Variants in NCAPD2 observed in about 807,000 individuals in gnomAD.
NCAPD2 encodes the protein condensin complex subunit 1.
Under a neutral mutation model 164.5 loss-of-function variants are expected in NCAPD2, and 100 were observed. That is an observed-to-expected ratio of 0.61 (90% CI 0.52 to 0.72). The LOEUF (loss-of-function observed/expected upper bound fraction) is 0.72, where lower values mean the gene tolerates loss of function less well. Among genes scored for constraint, NCAPD2 ranks in the 30% least tolerant of loss-of-function variants. The pLI, the probability that NCAPD2 is intolerant of heterozygous loss-of-function variation, is 0.00. For synonymous variants in NCAPD2, 585 were observed against 642.6 expected (o/e 0.91, Z 1.36); for missense variants, 1,560 against 1,749.2 (o/e 0.89, Z 1.93).
Position 6,522,974 on chromosome 12 carries a change from T to C in NCAPD2, c.2101T>C (p.Tyr701His). ...CGTGCTTAATGCCTACCGCCAACTC[T>C]ACCTCAACCCCAAAGGGGACTCTGC... ...EAVLNAYRQL[Y>H]LNPKGDSARA... is the part of the protein sequence containing the mutation. The change falls in exon 16 of 32, where the codon TAC becomes CAC. Residue 701 changes from tyrosine (Y) to histidine (H), a missense_variant. Coordinates refer to ENST00000315579, the MANE Select transcript of NCAPD2 (RefSeq NM_014865.4). 1 of 1,614,230 alleles carries C rather than the reference T, an allele frequency of 6.2e-7. No homozygotes were observed. Among genetic ancestry groups the C allele is most frequent in the Non-Finnish European group, 8.5e-7 (1 of 1,180,042 alleles).
At position 6,526,607 on chromosome 12, in the gene NCAPD2, AG is replaced by A. The variant is rs1398717412; in HGVS notation, c.2728del (p.Asp910ThrfsTer14). ...CTAGAAGAGAAGAGAACCAGTCAGG[AG>A]GACCCGAGTAAGTGGGCAGGGGTTG... ...EKLEEKRTSQ[E>X]DPKESPAMLP... On this transcript the variant is annotated frameshift_variant, in exon 21 of 32. Coordinates refer to ENST00000315579, the MANE Select transcript of NCAPD2 (RefSeq NM_014865.4). LOFTEE classifies it high-confidence loss of function. 2 of 1,613,490 alleles carry A rather than the reference AG, an allele frequency of 1.2e-6. No individual in the cohort carries two copies. Among genetic ancestry groups the A allele is most frequent in the South Asian group, 2.2e-5 (2 of 91,078 alleles).
chr12:6,531,392 G>A lies in NCAPD2; in HGVS notation c.4186G>A (p.Ala1396Thr), dbSNP rs751412550. 6.2e-7 allele frequency: 1 copy of A among 1,613,886 alleles called. No homozygotes were observed. Among genetic ancestry groups the A allele is most frequent in the South Asian group, 1.1e-5 (1 of 91,070 alleles). Residue 1396 changes from alanine (A) to threonine (T), a missense_variant, in exon 32 of 32, where the codon GCT (alanine) becomes ACT (threonine). Coordinates refer to ENST00000315579, the MANE Select transcript of NCAPD2 (RefSeq NM_014865.4). The surrounding 1 kb of genome is among the most constrained non-coding windows in gnomAD (Gnocchi z 4.1). ...AACAACTCCCATTCTCAGAGCATCGGCTCGCAGGCACAGATCCTAGGAAGT... is the reference window on the plus strand; with the variant it reads ...AACAACTCCCATTCTCAGAGCATCGACTCGCAGGCACAGATCCTAGGAAGT... ...KKTTPILRAS[A>T]RRHRS is the part of the protein sequence containing the mutation.
In NCAPD2 at chr12:6,529,888, A is replaced by G. The variant is rs1946355520; in HGVS notation, c.3767A>G (p.Asp1256Gly). Residue 1256 changes from aspartate (D) to glycine (G), a missense_variant, in exon 29 of 32, where the codon GAT becomes GGT. Transcript: ENST00000315579. ...NFDCFGDKLS[D>G]ESIFSAFLSV... ...GACTGTTTTGGAGACAAACTGTCAG[A>G]TGAGTCCATCTTCAGTGCTTTTTTG... is the stretch of plus-strand genomic sequence containing the variant. 1.2e-6 allele frequency: 2 copies of G among 1,614,272 alleles called. No homozygotes were observed. The highest frequency in any genetic ancestry group is 4.5e-5 in the East Asian group (2 of 44,894).
intron 2 of NCAPD2, among the ~76,000 whole-genome samples, chr12:6,502,259 C>G (rs1209798538): frequency 6.6e-6 from 1 of 151,766 alleles, no homozygotes; most frequent in Non-Finnish European, 1.5e-5. Flanking sequence ...GCAACTAGTG[C>G]AGGTAAATAT....
Position 6,529,541 on chromosome 12 carries a change from A to G in NCAPD2, c.3601A>G (p.Lys1201Glu), listed in dbSNP as rs1461093595. The change falls in exon 28 of 32, where the codon AAG (lysine) becomes GAG (glutamate). Residue 1201 changes from lysine to glutamate, a missense_variant. Transcript: ENST00000315579. ...KQLLSYITKD[K>E]QTESLVEKLC... ...GCTCCTCTCCTACATCACCAAGGAC[A>G]AGCAGACAGAGAGCCTGGTGGAAAA... 1 of 1,614,116 alleles carries G rather than the reference A, an allele frequency of 6.2e-7. No individual in the cohort carries two copies.
rs145931156 is a variant in NCAPD2 at position 6,522,966 on chromosome 12, G to A, written c.2093G>A (p.Arg698His). The A allele has an allele frequency of 4.3e-5, 70 of 1,614,022 alleles. No homozygotes were observed. The highest frequency in any genetic ancestry group is 5.9e-5 in the Non-Finnish European group (70 of 1,180,036). ...CGGGAAGCCGTGCTTAATGCCTACC[G>A]CCAACTCTACCTCAACCCCAAAGGG... The part of the protein sequence containing the change: ...GVREAVLNAY[R>H]QLYLNPKGDS... Residue 698 changes from arginine to histidine, a missense_variant, in exon 16 of 32, where the codon CGC becomes CAC. Physicochemically the swap from Arg to His is conservative, Grantham distance 29. Coordinates refer to ENST00000315579, the MANE Select transcript of NCAPD2 (RefSeq NM_014865.4).
At chr12:6,516,165 C>T (rs1359734245) in intron 9 of NCAPD2, among the ~76,000 whole-genome samples, 1 of 150,378 alleles carries the variant, frequency 6.6e-6, no homozygotes, top group African/African-American at 2.4e-5. Flanking sequence ...CACTGCACTC[C>T]AACCTGGGTG....
chr12:6,518,113 G>T, intron 13 of NCAPD2, 154 bp downstream of exon 13: 1 of 651,512 alleles, frequency 1.5e-6, no homozygotes, highest in Non-Finnish European at 2.6e-6. Flanking sequence ...TCTGACCATA[G>T]GCCTAGTCCA....
At chr12:6,514,969 C>G in intron 9 of NCAPD2, 49 bp downstream of exon 9, 3 of 1,603,942 alleles carry the variant, frequency 1.9e-6, no homozygotes, top group Non-Finnish European at 2.6e-6. Flanking sequence ...GATTTTAAGT[C>G]CAGTGTTGAA....
In NCAPD2 at chr12:6,529,526, T is replaced by C; in HGVS notation, c.3586T>C (p.Tyr1196His). 1 of 1,614,064 alleles carries C rather than the reference T, an allele frequency of 6.2e-7. No homozygotes were observed. The highest frequency in any genetic ancestry group is 8.5e-7 in the Non-Finnish European group (1 of 1,179,966). Residue 1196 changes from tyrosine (Y) to histidine (H), a missense_variant, in exon 28 of 32, where the codon TAC becomes CAC. Transcript: ENST00000315579. ...CCCTTCCTGCAGACAGCTCCTCTCC[T>C]ACATCACCAAGGACAAGCAGACAGA... ...FHTIMKQLLS[Y>H]ITKDKQTESL...
At chr12:6,510,512 A>G in intron 4 of NCAPD2, 117 bp from the exon 5 acceptor site, 1 of 1,202,478 alleles carries the variant, frequency 8.3e-7, no homozygotes, top group East Asian at 2.3e-5. Flanking sequence ...TGTTATGGCC[A>G]CTGAGAGATG....
At chr12:6,499,237 G>A (rs1416203535) in intron 2 of NCAPD2, among the ~76,000 whole-genome samples, 1 of 151,820 alleles carries the variant, frequency 6.6e-6, no homozygotes, top group African/African-American at 2.4e-5. Context: ...TTAAGATAAG[G>A]GTCTTGCTTT....
Position 6,527,798 on chromosome 12 carries a change from A to G in NCAPD2, c.2929A>G (p.Met977Val), listed in dbSNP as rs1359858675. ...KEKNTSSETTMEEELGLVGAT... is the reference protein window; with the variant it reads ...KEKNTSSETTVEEELGLVGAT... ...TTAGAATACGAGCTCTGAGACCACC[A>G]TGGAGGAGGAGCTGGGGCTGGTTGG... Residue 977 changes from methionine (M) to valine (V), a missense_variant, in exon 23 of 32, where the codon ATG becomes GTG. Met to Val is a conservative substitution (Grantham distance 21). Coordinates refer to ENST00000315579, the MANE Select transcript of NCAPD2 (RefSeq NM_014865.4). 1.2e-6 allele frequency: 2 copies of G among 1,613,320 alleles called. No homozygotes were observed. Among genetic ancestry groups the G allele is most frequent in the Non-Finnish European group, 1.7e-6 (2 of 1,179,454 alleles).
chr12:6,511,256 G>GGTA lies in NCAPD2; in HGVS notation c.587+6_587+8dup, dbSNP rs1946143871. ...TAATTGAAGAAGAATTTGTCAGGTG[G>GGTA]GTAGGGAGGATGGCTACAGATAATA... On this transcript the variant is annotated splice_donor_region_variant and intron_variant, in intron 6 of 31. Transcript: ENST00000315579. 3.7e-6 allele frequency: 6 copies of GGTA among 1,613,954 alleles called. No individual in the cohort carries two copies. In the South Asian group the frequency reaches 6.6e-5, roughly 18 times the overall value.
rs71584850 is a variant in NCAPD2, at chr12:6,517,698, C to T, written c.1408+15C>T. On this transcript the variant is annotated intron_variant, in intron 12 of 31. Coordinates refer to ENST00000315579, the MANE Select transcript of NCAPD2 (RefSeq NM_014865.4). ...TGCAGCAGCTTGTAAGTAGTTACTGCCTTGGAGTCCTAATGCCAGACAGGC... is the reference window on the plus strand; with the variant it reads ...TGCAGCAGCTTGTAAGTAGTTACTGTCTTGGAGTCCTAATGCCAGACAGGC... 4.3e-3 allele frequency: 6,866 copies of T among 1,614,116 alleles called. 22 individuals carry two copies. The highest frequency in any genetic ancestry group is 5.5e-3 in the Non-Finnish European group (6,443 of 1,180,000).
chr12:6,529,580 T>TG lies in NCAPD2; in HGVS notation c.3640_3641insG (p.Phe1214CysfsTer7). The TG allele has an allele frequency of 6.2e-7, 1 of 1,614,182 alleles. No individual in the cohort carries two copies. ...CCTGGTGGAAAAGCTGTGTCAGCGG[T>TG]TCCGCACATCCCGGTATGCTGCCCT... On this transcript the variant is annotated frameshift_variant, in exon 28 of 32. Coordinates refer to ENST00000315579, the MANE Select transcript of NCAPD2 (RefSeq NM_014865.4). LOFTEE classifies it high-confidence loss of function.
chr12:6,504,142 T>TTGCA lies in NCAPD2; in HGVS notation c.128-5572_128-5569dup, dbSNP rs1222554239. ...CGTGCTAAGTGTTGTTCTGACTGGT[T>TTGCA]TGCATGGACTATCTCATTCAGTTTT... On this transcript the variant is annotated intron_variant, in intron 2 of 31. Transcript: ENST00000315579. 2.4e-5 allele frequency among the ~76,000 whole-genome samples: 3 copies of TTGCA among 124,884 alleles called. No individual in the cohort carries two copies. The East Asian group carries it at 8.1e-4, about 34-fold the overall frequency. 81.9% of individuals were successfully genotyped at this position (124,884 alleles called of 152,430 possible).
intron 11 of NCAPD2, 45 bp from the exon 12 acceptor site, chr12:6,517,551 G>T: frequency 6.2e-7 from 1 of 1,614,222 alleles, no homozygotes; most frequent in Admixed American, 1.7e-5. Context: ...AAACAGGGAT[G>T]AAATTATGTC....
chr12:6,510,927 GA>G lies in NCAPD2; in HGVS notation c.444+120del, dbSNP rs1336718290. ...TTCTGTCCTCATTGAGAATTTAGGAGAAAGAACTCAAAAGTGTCACACGTTT... is the reference window on the plus strand; with the variant it reads ...TTCTGTCCTCATTGAGAATTTAGGAGAAGAACTCAAAAGTGTCACACGTTT... On this transcript the variant is annotated intron_variant, in intron 5 of 31. Transcript: ENST00000315579. The G allele has an allele frequency of 6.5e-6, 9 of 1,377,634 alleles. No individual in the cohort carries two copies. In the East Asian group the frequency reaches 1.8e-4, roughly 28 times the overall value. The allele number at this position is 1,377,634 out of a possible 1,614,324, so 85.3% of individuals were successfully genotyped here. A position where few individuals can be genotyped will look rare whatever the true frequency, so the allele number is the denominator to read the frequency against.
Sources: allele counts gnomAD v4.1 joint callset (sites outside exome capture counted in the v4.1 genomes callset), GRCh38; gene constraint gnomAD v4.1.1; non-coding constraint Gnocchi (gnomAD v3.1); transcripts MANE v1.5; gene names NCBI Gene and HGNC (gene_info 2026-07-23, HGNC 2026-07-21).